The following RBM44 variants were observed in gnomAD, a reference collection of about 807,000 sequenced individuals.
RBM44 encodes RNA-binding protein 44.
A neutral mutation model predicts 105.1 loss-of-function variants in RBM44; 66 were observed. That is an observed-to-expected ratio of 0.63 (90% CI 0.52 to 0.77). The LOEUF is 0.77. Ranked by LOEUF, RBM44 falls within the 30% of genes least tolerant of loss-of-function variation. The probability of loss-of-function intolerance (pLI) is 0.00; values close to 1 mark genes in which losing one functional copy is unlikely to be tolerated. For synonymous variants in RBM44, 365 were observed against 417.6 expected, an observed-to-expected ratio of 0.87 and a Z score of 1.54; for missense variants, 1,122 against 1,207.8, an observed-to-expected ratio of 0.93 and a Z score of 1.05.
At chr2:237,835,803 G>A (rs1183962772) in intron 15 of RBM44, among the ~76,000 whole-genome samples, 2 of 150,430 alleles carry the variant, frequency 1.3e-5, no homozygotes, top group South Asian at 2.1e-4. Flanking sequence ...TGCACCCATC[G>A]CCCAAGCCCT....
At chr2:237,831,745 A>G (rs923431787) in intron 13 of RBM44, among the ~76,000 whole-genome samples, 7 of 152,012 alleles carry the variant, frequency 4.6e-5, no homozygotes, top group Non-Finnish European at 8.8e-5. Flanking sequence ...TCTTTCCCTC[A>G]TCTGCCTTCC....
In RBM44 at chr2:237,823,524, G is replaced by T; in HGVS notation, c.2290G>T (p.Asp764Tyr). ...CTTTAAAAATGGTGATATAAATGCA[G>T]ACTTTAGTCAACTGAAACTTGGTGA... ...DDFKNGDINA[D>Y]FSQLKLGDKD... is the part of the protein sequence containing the mutation. The change falls in exon 9 of 16, where the codon GAC (aspartate) becomes TAC (tyrosine). Residue 764 changes from aspartate to tyrosine, a missense_variant. Physicochemically the swap from Asp to Tyr is radical, Grantham distance 160 (BLOSUM62 -3). Coordinates refer to ENST00000316997, the MANE Select transcript of RBM44 (RefSeq NM_001080504.3). 6.6e-7 allele frequency: 1 copy of T among 1,526,158 alleles called. No individual in the cohort carries two copies. The highest frequency in any genetic ancestry group is 1.2e-5 in the South Asian group (1 of 83,416). The allele number at this position is 1,526,158 out of a possible 1,614,324, so 94.5% of individuals were successfully genotyped here. A position where few individuals can be genotyped will look rare whatever the true frequency, so the allele number is the denominator to read the frequency against.
chr2:237,817,184 A>G lies in RBM44; in HGVS notation c.265A>G (p.Thr89Ala). 1 of 1,603,578 alleles carries G rather than the reference A, an allele frequency of 6.2e-7. No homozygotes were observed. Among genetic ancestry groups the G allele is most frequent in the Non-Finnish European group, 8.5e-7 (1 of 1,175,726 alleles). Residue 89 changes from threonine to alanine, a missense_variant, in exon 3 of 16, where the codon ACA becomes GCA. Physicochemically the swap from Thr to Ala is moderately conservative, Grantham distance 58. This residue lies in a region of RBM44 where 918 missense variants were observed against 955.3 expected (regional missense o/e 0.96). Coordinates refer to ENST00000316997, the MANE Select transcript of RBM44 (RefSeq NM_001080504.3). ...PFFSVSQDTN[T>A]ESTQFQSSEL... ...TTTTTCAGTGAGTCAAGATACTAAC[A>G]CAGAGAGTACTCAGTTTCAGTCAAG...
At chr2:237,814,878 G>A (rs79848911) in intron 2 of RBM44, among the ~76,000 whole-genome samples, 2,136 of 121,758 alleles carry the variant, frequency 0.018, 49 homozygotes, top group East Asian at 0.088. Flanking sequence ...AGTGTAAAAA[G>A]ACTAAGTGTT....
chr2:237,824,487 C>T (rs1295258840), intron 10 of RBM44, 68 bp downstream of exon 10: 1 of 1,334,260 alleles, frequency 7.5e-7, no homozygotes, highest in Non-Finnish European at 1.0e-6. Context: ...TTACCTGCTT[C>T]TGTGTTGTGT....
At chr2:237,831,819 G>A (rs1042471032) in intron 13 of RBM44, among the ~76,000 whole-genome samples, 3 of 151,908 alleles carry the variant, frequency 2.0e-5, no homozygotes, top group Non-Finnish European at 4.4e-5. Context: ...TTTCATCTCA[G>A]TGACCCTTCA....
intron 13 of RBM44, among the ~76,000 whole-genome samples, chr2:237,833,719 G>A (rs1245136453): frequency 3.3e-5 from 5 of 152,076 alleles, no homozygotes; most frequent in African/African-American, 1.2e-4. Flanking sequence ...TGTGTTCTAT[G>A]GTTCAGATGA....
At chr2:237,834,618 C>T (rs778911410) in intron 15 of RBM44, 195 bp downstream of exon 15, 71 of 261,994 alleles carry the variant, frequency 2.7e-4, no homozygotes, top group Non-Finnish European at 4.0e-4. Flanking sequence ...AATTGACTGG[C>T]TTAAACAACA....
chr2:237,839,022 T>A (rs1003157106), intron 15 of RBM44, among the ~76,000 whole-genome samples: 9 of 152,112 alleles, frequency 5.9e-5, no homozygotes, highest in Admixed American at 5.9e-4. Flanking sequence ...TATAGCAGTT[T>A]TAGTATAGTG....
intron 4 of RBM44, among the ~76,000 whole-genome samples, chr2:237,819,611 G>C (rs1183099462): frequency 6.6e-6 from 1 of 151,898 alleles, no homozygotes; most frequent in East Asian, 1.9e-4. Context: ...AGTAACAAGG[G>C]AAGACCTCCA....
At chr2:237,800,883 C>T (rs926594761) in intron 1 of RBM44, among the ~76,000 whole-genome samples, 4 of 152,014 alleles carry the variant, frequency 2.6e-5, no homozygotes, top group African/African-American at 7.2e-5. Context: ...CCCACTACCA[C>T]GCCCACTCTA....
intron 9 of RBM44, 52 bp downstream of exon 9, chr2:237,823,606 T>C (rs2061817011): frequency 1.3e-6 from 1 of 799,936 alleles, no homozygotes; most frequent in African/African-American, 1.8e-5. Context: ...CAAAATAAGG[T>C]TTAAAGTATT....
intron 7 of RBM44, 124 bp from the exon 8 acceptor site, chr2:237,821,619 A>G (rs1004863899): frequency 1.3e-6 from 1 of 742,548 alleles, no homozygotes; most frequent in Non-Finnish European, 2.2e-6. Context: ...TGTCATTTCT[A>G]TGTGTTAGGA....
chr2:237,832,249 G>A (rs2061911498), intron 13 of RBM44, among the ~76,000 whole-genome samples: 1 of 151,702 alleles, frequency 6.6e-6, no homozygotes, highest in African/African-American at 2.4e-5. Flanking sequence ...TGAAGTCCTG[G>A]GCTCAAGCAA....
In RBM44 at chr2:237,841,497, T is replaced by C. The variant is rs1318595153; in HGVS notation, c.*23-342T>C. Among the ~76,000 whole-genome samples the C allele has an allele frequency of 1.3e-5, 2 of 152,184 alleles. No homozygotes were observed. The highest frequency in any genetic ancestry group is 4.8e-5 in the African/African-American group (2 of 41,434). ...TTATTACCTGGATGATGAAATAATC[T>C]ATACACTAAACCCTGCAACATGTAA... On this transcript the variant is annotated intron_variant, in intron 15 of 15. Transcript: ENST00000316997. The surrounding 1 kb of genome is among the most constrained non-coding windows in gnomAD (Gnocchi z 4.5).
At chr2:237,819,399 C>T (rs1159511963) in intron 4 of RBM44, among the ~76,000 whole-genome samples, 2 of 152,012 alleles carry the variant, frequency 1.3e-5, no homozygotes, top group African/African-American at 2.4e-5. Context: ...ATTCAGAACA[C>T]AGTGGAGAAC....
intron 10 of RBM44, 48 bp from the exon 11 acceptor site, chr2:237,827,202 T>A: frequency 9.7e-7 from 1 of 1,031,846 alleles, no homozygotes. Context: ...CTCTGAAACA[T>A]ATCAGTACAA....
In RBM44 at chr2:237,803,869, G is replaced by A. The variant is rs566725695; in HGVS notation, c.-19+5008G>A. Among the ~76,000 whole-genome samples, 184 of 151,748 alleles carry A rather than the reference G, an allele frequency of 1.2e-3. No individual in the cohort carries two copies. The highest frequency in any genetic ancestry group is 5.3e-3 in the Admixed American group (80 of 15,198). On this transcript the variant is annotated intron_variant, in intron 1 of 15. Transcript: ENST00000316997. This position sits in a 1 kb window ranked among gnomAD's most constrained non-coding sequence, Gnocchi z 4.2. Reference sequence around the variant, plus strand: ...TATACTTGTGCCAGTACCATTTATTGAATATGCCTTAGACCTTTTTTTTTT... The same window carrying A: ...TATACTTGTGCCAGTACCATTTATTAAATATGCCTTAGACCTTTTTTTTTT...
At chr2:237,816,551 G>T (rs1205936962) in intron 2 of RBM44, among the ~76,000 whole-genome samples, 5 of 152,092 alleles carry the variant, frequency 3.3e-5, no homozygotes, top group African/African-American at 1.2e-4. Context: ...TAAACAACAG[G>T]TGCTTATTTT....
Sources: allele counts gnomAD v4.1 joint callset (sites outside exome capture counted in the v4.1 genomes callset), GRCh38; gene constraint gnomAD v4.1.1; regional missense constraint gnomAD v4.1.1; non-coding constraint Gnocchi (gnomAD v3.1); transcripts MANE v1.5; gene names NCBI Gene and HGNC (gene_info 2026-07-23, HGNC 2026-07-21).